USP42: variants seen among roughly 807,000 people sequenced by gnomAD.
USP42 encodes the protein ubiquitin carboxyl-terminal hydrolase 42.
USP42 carries 23 observed loss-of-function variants against 113.0 expected under a neutral mutation model. The observed-to-expected ratio is 0.20, with a 90% CI of 0.15 to 0.29. The LOEUF is 0.29. USP42 is among the 10% of genes least tolerant of loss of function. The probability of loss-of-function intolerance (pLI) is 1.00; values close to 1 mark genes in which losing one functional copy is unlikely to be tolerated. For missense variants in USP42, 2,174 were observed against 1,779.8 expected, an observed-to-expected ratio of 1.22 and a Z score of -3.99; for synonymous variants, 933 against 699.0, an observed-to-expected ratio of 1.33 and a Z score of -5.28.
intron 3 of USP42, among the ~76,000 whole-genome samples, chr7:6,119,387 C>T (rs545363744): frequency 3.3e-5 from 5 of 152,114 alleles, no homozygotes; most frequent in African/African-American, 9.7e-5. Flanking sequence ...GAGAGGCTCG[C>T]TTCAGCTCAG....
chr7:6,153,621 C>T, intron 14 of USP42, 135 bp from the exon 15 acceptor site: 4 of 1,169,946 alleles, frequency 3.4e-6, no homozygotes, highest in Non-Finnish European at 3.4e-6. Context: ...TAGCCTGAAA[C>T]TTAAAGTATA....
Position 6,161,033 on chromosome 7 carries a change from T to G in USP42, c.*515T>G, listed in dbSNP as rs1357386109. The stretch of plus-strand genomic sequence containing the variant: ...TGTAATGTCTGATACTAGAAACTAA[T>G]TTGCTTATTTTAGTTGTATTCAAGA... On this transcript the variant is annotated 3_prime_UTR_variant, in exon 18 of 18. Coordinates refer to ENST00000306177, the MANE Select transcript of USP42 (RefSeq NM_032172.3). 6.5e-6 allele frequency: 1 copy of G among 152,674 alleles called. No homozygotes were observed. Among genetic ancestry groups the G allele is most frequent in the Non-Finnish European group, 1.5e-5 (1 of 68,046 alleles). The allele number at this position is 152,674 out of a possible 1,614,324, so 9.5% of individuals were successfully genotyped here.
intron 7 of USP42, among the ~76,000 whole-genome samples, chr7:6,141,943 C>T (rs541295615): frequency 1.8e-3 from 279 of 152,336 alleles, no homozygotes; most frequent in African/African-American, 6.4e-3. Flanking sequence ...TGTCTGGCCA[C>T]TCACTGTTCC....
At chr7:6,134,579 C>T (rs1781025913) in intron 3 of USP42, among the ~76,000 whole-genome samples, 1 of 152,172 alleles carries the variant, frequency 6.6e-6, no homozygotes, top group Non-Finnish European at 1.5e-5. Context: ...TTGGGTGACT[C>T]TTTGCTGGGA....
chr7:6,107,254 G>T (rs1452782261), intron 1 of USP42, among the ~76,000 whole-genome samples: 1 of 151,940 alleles, frequency 6.6e-6, no homozygotes, highest in East Asian at 1.9e-4. Flanking sequence ...CAAATAAAAT[G>T]GTTTTATTTG....
Position 6,136,004 on chromosome 7 carries a change from T to G in USP42, c.553+53T>G. 3 of 494,436 alleles carry G rather than the reference T, an allele frequency of 6.1e-6. No homozygotes were observed. In the East Asian group the frequency reaches 3.3e-4, roughly 54 times the overall value. The allele number at this position is 494,436 out of a possible 1,614,324, so 30.6% of individuals were successfully genotyped here. On this transcript the variant is annotated intron_variant, in intron 4 of 17. Coordinates refer to ENST00000306177, the MANE Select transcript of USP42 (RefSeq NM_032172.3). The stretch of plus-strand genomic sequence containing the variant: ...TTTGTATTTATTACCTAGTTATACT[T>G]TTTTTTTTTTTTTTTTTCGAGACAG...
At chr7:6,146,101 T>C (rs764773106) in intron 10 of USP42, 47 bp from the exon 11 acceptor site, 3 of 1,298,292 alleles carry the variant, frequency 2.3e-6, no homozygotes, top group African/African-American at 3.0e-5. Context: ...CTATGTTCCA[T>C]GTTTAATTAA....
chr7:6,137,666 A>C (rs986071050), intron 4 of USP42, among the ~76,000 whole-genome samples: 3 of 150,950 alleles, frequency 2.0e-5, no homozygotes, highest in Non-Finnish European at 3.0e-5. Context: ...CTATTTATAC[A>C]TGTATTTATT....
chr7:6,154,031 G>T lies in USP42; in HGVS notation c.2477G>T (p.Gly826Val), dbSNP rs768848227. The change falls in exon 15 of 18, where the codon GGC becomes GTC. Residue 826 changes from glycine (G) to valine (V), a missense_variant. Transcript: ENST00000306177. ...PDLCDPGSLT[G>V]DASPLSQDAK... ...CTGTGTGATCCCGGGAGCTTAACAG[G>T]CGATGCGAGCCCGTTGTCCCAGGAC... 4 of 1,604,900 alleles carry T rather than the reference G, an allele frequency of 2.5e-6. No homozygotes were observed. Among genetic ancestry groups the T allele is most frequent in the Admixed American group, 3.3e-5 (2 of 60,006 alleles).
chr7:6,154,488 C>CCGG lies in USP42; in HGVS notation c.2940_2942dup (p.Arg982dup). 6.5e-7 allele frequency: 1 copy of CCGG among 1,546,974 alleles called. No homozygotes were observed. Reference sequence around the variant, plus strand: ...GGAGCAAGACTGAGGGCCACCGTCACCGGCGGCGCCGCACCTGCCCCCGGG... The same window carrying CCGG: ...GGAGCAAGACTGAGGGCCACCGTCACCGGCGGCGGCGCCGCACCTGCCCCCGGG... On this transcript the variant is annotated inframe_insertion, in exon 15 of 18. Coordinates refer to ENST00000306177, the MANE Select transcript of USP42 (RefSeq NM_032172.3).
rs1319515003 is a variant in USP42 at position 6,147,877 on chromosome 7, C to G, written c.1371C>G (p.Pro457=). The part of the protein sequence containing the change: ...AAPGFIGPQL[P]SHMIKNPPHL... ...CAGGCTTTATCGGACCACAGCTTCC[C>G]TCTCACATGATAAAGGTAACAGTCC... The change falls in exon 12 of 18, where the codon CCC becomes CCG. Residue 457 remains proline, a synonymous_variant. Transcript: ENST00000306177. The G allele has an allele frequency of 1.2e-6, 2 of 1,610,454 alleles. No homozygotes were observed. Among genetic ancestry groups the G allele is most frequent in the Non-Finnish European group, 1.7e-6 (2 of 1,178,042 alleles).
chr7:6,111,061 G>C, intron 1 of USP42, 64 bp from the exon 2 acceptor site: 5 of 1,499,968 alleles, frequency 3.3e-6, no homozygotes, highest in Non-Finnish European at 4.5e-6. Flanking sequence ...AAGATCTAAC[G>C]GTAGGGTAAG....
the USP42 span, among the ~76,000 whole-genome samples, chr7:6,095,744 T>A: frequency 6.6e-6 from 1 of 150,950 alleles, no homozygotes; most frequent in Non-Finnish European, 1.5e-5. Context: ...TTGCATGGGA[T>A]CTGGCTTCTC....
Position 6,155,185 on chromosome 7 carries a change from C to A in USP42, c.3631C>A (p.Arg1211Ser), listed in dbSNP as rs200534302. The A allele has an allele frequency of 3.1e-5, 48 of 1,531,846 alleles. No individual in the cohort carries two copies. Among genetic ancestry groups the A allele is most frequent in the East Asian group, 7.3e-5 (3 of 40,876 alleles). The allele number at this position is 1,531,846 out of a possible 1,614,324, so 94.9% of individuals were successfully genotyped here. ...GAAATCCAAAGACAAACACCGAGACCGCGACTCCAGGTGAGCCTGGGGCCT... is the reference window on the plus strand; with the variant it reads ...GAAATCCAAAGACAAACACCGAGACAGCGACTCCAGGTGAGCCTGGGGCCT... ...KKKSKDKHRD[R>S]DSRHQQDSDL... The change falls in exon 15 of 18, where the codon CGC (arginine) becomes AGC (serine). Residue 1211 changes from arginine to serine, a missense_variant. Transcript: ENST00000306177.
intron 14 of USP42, among the ~76,000 whole-genome samples, chr7:6,152,032 T>A (rs1024390532): frequency 4.0e-5 from 6 of 150,492 alleles, no homozygotes; most frequent in African/African-American, 9.8e-5. Context: ...CCCCACAATT[T>A]AAAAAAAAAA....
At chr7:6,133,879 A>G (rs535451113) in intron 3 of USP42, among the ~76,000 whole-genome samples, 1 of 129,584 alleles carries the variant, frequency 7.7e-6, no homozygotes, top group African/African-American at 2.9e-5. Context: ...ATCTATTTCC[A>G]TGTTTCTTCT....
At chr7:6,112,606 A>T (rs1038087074) in intron 2 of USP42, among the ~76,000 whole-genome samples, 1 of 152,228 alleles carries the variant, frequency 6.6e-6, no homozygotes, top group African/African-American at 2.4e-5. Flanking sequence ...GAGGACATGA[A>T]GATTTGAAAT....
At chr7:6,130,201 G>A (rs1780776529) in intron 3 of USP42, among the ~76,000 whole-genome samples, 1 of 152,178 alleles carries the variant, frequency 6.6e-6, no homozygotes, top group African/African-American at 2.4e-5. Flanking sequence ...TCTAACCTTT[G>A]TTTTAGCCAA....
chr7:6,142,832 T>C, intron 7 of USP42, 100 bp from the exon 8 acceptor site: 1 of 1,087,240 alleles, frequency 9.2e-7, no homozygotes, highest in Non-Finnish European at 1.4e-6. Context: ...TGCAGTGAGC[T>C]GTGATTGTGC....
Sources: allele counts gnomAD v4.1 joint callset (sites outside exome capture counted in the v4.1 genomes callset), GRCh38; gene constraint gnomAD v4.1.1; transcripts MANE v1.5; gene names NCBI Gene and HGNC (gene_info 2026-07-23, HGNC 2026-07-21).